ATE1: variants seen among roughly 807,000 people sequenced by gnomAD.
ATE1 encodes arginyl-tRNA--protein transferase 1.
A neutral mutation model predicts 70.5 loss-of-function variants in ATE1; 36 were observed. That is an observed-to-expected ratio of 0.51 (90% confidence interval 0.39 to 0.67). The LOEUF (loss-of-function observed/expected upper bound fraction) is 0.67, where lower values mean the gene tolerates loss of function less well. ATE1 is among the 30% of genes least tolerant of loss of function. The pLI is 0.00. For missense variants in ATE1, 593 were observed against 629.5 expected (o/e 0.94, Z 0.62); for synonymous variants, 232 against 219.3 (o/e 1.06, Z -0.51).
intron 11 of ATE1, among the ~76,000 whole-genome samples, chr10:121,745,228 A>G (rs1944302455): frequency 6.6e-6 from 1 of 152,358 alleles, no homozygotes; most frequent in South Asian, 2.1e-4. Flanking sequence ...AAAATGTACA[A>G]TGTTTTCACT....
At chr10:121,866,605 T>C (rs1160714268) in intron 8 of ATE1, among the ~76,000 whole-genome samples, 2 of 152,302 alleles carry the variant, frequency 1.3e-5, no homozygotes, top group Admixed American at 6.5e-5. Flanking sequence ...TCTAGCACTT[T>C]GGGAGGACCA....
chr10:121,790,263 C>T lies in ATE1; in HGVS notation c.1284G>A (p.Leu428=), dbSNP rs181695719. 40 of 1,613,924 alleles carry T rather than the reference C, an allele frequency of 2.5e-5. No individual in the cohort carries two copies. Among genetic ancestry groups the T allele is most frequent in the East Asian group, 4.5e-5 (2 of 44,874 alleles). Residue 428 remains leucine (L), a synonymous_variant, in exon 11 of 12, where the codon CTG becomes CTA. Transcript: ENST00000224652. ...GTACCCAAACATATGTCTCAGGGCA[C>T]AGCAAATCAGAAGGTCTATACTGAC... ...YKGQYRPSDL[L]CPETYVWVPI...
At chr10:121,879,763 G>C (rs115649559) in intron 7 of ATE1, among the ~76,000 whole-genome samples, 2 of 152,112 alleles carry the variant, frequency 1.3e-5, no homozygotes, top group Admixed American at 6.5e-5. Context: ...CACCAGTAAG[G>C]AAGACCCAGT....
At chr10:121,885,501 T>C (rs1590627767) in intron 7 of ATE1, among the ~76,000 whole-genome samples, 1 of 129,184 alleles carries the variant, frequency 7.7e-6, no homozygotes, top group Admixed American at 9.6e-5. Context: ...ACCTGGGAGG[T>C]GGAGCTTGCA....
At chr10:121,808,555 A>G (rs1403539702) in intron 10 of ATE1, among the ~76,000 whole-genome samples, 2 of 152,200 alleles carry the variant, frequency 1.3e-5, no homozygotes, top group Non-Finnish European at 2.9e-5. Context: ...GCAAAGATTA[A>G]AGGTTGTAAA....
At chr10:121,875,093 C>T (rs1211420320) in intron 7 of ATE1, among the ~76,000 whole-genome samples, 4 of 145,686 alleles carry the variant, frequency 2.7e-5, no homozygotes, top group Non-Finnish European at 4.5e-5. Flanking sequence ...GAGTCGAGAC[C>T]GCACCACTGC....
chr10:121,780,706 T>C (rs1438095120), intron 11 of ATE1, among the ~76,000 whole-genome samples: 1 of 152,216 alleles, frequency 6.6e-6, no homozygotes, highest in Non-Finnish European at 1.5e-5. Flanking sequence ...CTTCTGAATA[T>C]GTTGTTCTCT....
At chr10:121,850,673 G>A (rs1949018329) in intron 8 of ATE1, among the ~76,000 whole-genome samples, 1 of 152,190 alleles carries the variant, frequency 6.6e-6, no homozygotes, top group Admixed American at 6.5e-5. Context: ...CCTGCCAACT[G>A]TAAGCGGCAA....
chr10:121,790,738 T>C (rs1028464429), intron 10 of ATE1, among the ~76,000 whole-genome samples: 5 of 152,190 alleles, frequency 3.3e-5, no homozygotes, highest in African/African-American at 1.2e-4. Flanking sequence ...TAATTTGTGA[T>C]TTGTAGACTC....
At chr10:121,927,207 T>A in intron 1 of ATE1, 1 of 985,444 alleles carries the variant, frequency 1.0e-6, no homozygotes, top group South Asian at 4.7e-5. Flanking sequence ...GGGCTGGCTT[T>A]GCTGTCGTCC....
chr10:121,825,995 G>C (rs1947993265), intron 10 of ATE1, among the ~76,000 whole-genome samples: 1 of 152,210 alleles, frequency 6.6e-6, no homozygotes, highest in Non-Finnish European at 1.5e-5. Flanking sequence ...CCTTAAAGAG[G>C]AAAGAAATTG....
chr10:121,823,075 G>C (rs7358138), intron 10 of ATE1, among the ~76,000 whole-genome samples: 2 of 152,110 alleles, frequency 1.3e-5, no homozygotes, highest in African/African-American at 4.8e-5. Context: ...TGGATCACAA[G>C]GTCAGGAGAT....
At chr10:121,912,007 A>C (rs11200248) in intron 4 of ATE1, among the ~76,000 whole-genome samples, 44,639 of 151,766 alleles carry the variant, frequency 0.29, 7,059 homozygotes, top group South Asian at 0.43. Flanking sequence ...CGGCCTCCCA[A>C]AGTGCTGGGA....
At chr10:121,819,088 C>T (rs934735703) in intron 10 of ATE1, among the ~76,000 whole-genome samples, 8 of 152,100 alleles carry the variant, frequency 5.3e-5, no homozygotes, top group Admixed American at 4.6e-4. Flanking sequence ...GGTAAATGTG[C>T]TGATAAAAGA....
chr10:121,905,713 C>T (rs956130630), intron 5 of ATE1, among the ~76,000 whole-genome samples: 3 of 152,054 alleles, frequency 2.0e-5, no homozygotes, highest in Non-Finnish European at 2.9e-5. Flanking sequence ...GGAGTGTCGG[C>T]GTGCACCTGT....
At chr10:121,893,519 G>T (rs11200229) in intron 7 of ATE1, among the ~76,000 whole-genome samples, 20,045 of 151,662 alleles carry the variant, frequency 0.13, 1,519 homozygotes, top group East Asian at 0.19. Flanking sequence ...CTTTATAAAA[G>T]ACACAATTAT....
chr10:121,773,220 C>T (rs1189054037), intron 11 of ATE1, among the ~76,000 whole-genome samples: 1 of 152,160 alleles, frequency 6.6e-6, no homozygotes, highest in East Asian at 1.9e-4. Context: ...TCTTGGTTTT[C>T]GTTTTTATTT....
At chr10:121,927,238 C>A in intron 1 of ATE1, 1 of 985,270 alleles carries the variant, frequency 1.0e-6, no homozygotes. Context: ...AGGAAAGACA[C>A]GGCATATAAG....
intron 8 of ATE1, among the ~76,000 whole-genome samples, chr10:121,868,623 G>C (rs1407106860): frequency 6.6e-6 from 1 of 152,098 alleles, no homozygotes; most frequent in Non-Finnish European, 1.5e-5. Flanking sequence ...TAATATCCCT[G>C]TAAGTATTAT....
Sources: allele counts gnomAD v4.1 joint callset (sites outside exome capture counted in the v4.1 genomes callset), GRCh38; gene constraint gnomAD v4.1.1; transcripts MANE v1.5; gene names NCBI Gene and HGNC (gene_info 2026-07-23, HGNC 2026-07-21).